Variants in ATXN2L observed in about 807,000 individuals in gnomAD.
ATXN2L encodes the protein ataxin-2-like protein.
ATXN2L carries 24 observed loss-of-function variants against 120.7 expected under a neutral mutation model. That is an observed-to-expected ratio of 0.20 (90% CI 0.14 to 0.28). ATXN2L has a LOEUF of 0.28. Ranked by LOEUF, ATXN2L falls within the 10% of genes least tolerant of loss-of-function variation. The pLI is 1.00. For missense variants in ATXN2L, 1,312 were observed against 1,432.3 expected (o/e 0.92, Z 1.36); for synonymous variants, 653 against 568.1 (o/e 1.15, Z -2.13).
Position 28,830,062 on chromosome 16 carries a change from A to G in ATXN2L, c.1034+4A>G, listed in dbSNP as rs2053750416. On this transcript the variant is annotated splice_donor_region_variant and intron_variant, in intron 8 of 21. Transcript: ENST00000336783. ...AGAGCCCCAGCTTGGCATCCAGGTGACTGTTGCAAACAGCCAGGACTACTT... is the reference window on the plus strand; with the variant it reads ...AGAGCCCCAGCTTGGCATCCAGGTGGCTGTTGCAAACAGCCAGGACTACTT... 1 of 1,607,494 alleles carries G rather than the reference A, an allele frequency of 6.2e-7. No homozygotes were observed. Among genetic ancestry groups the G allele is most frequent in the East Asian group, 2.2e-5 (1 of 44,672 alleles).
Position 28,834,639 on chromosome 16 carries a change from G to A in ATXN2L, c.2379G>A (p.Gln793=), listed in dbSNP as rs763835520. The A allele has an allele frequency of 1.2e-6, 2 of 1,613,858 alleles. No individual in the cohort carries two copies. The highest frequency in any genetic ancestry group is 1.7e-6 in the Non-Finnish European group (2 of 1,180,018). ...CTTCCTACATCCCCTACAACCCTCA[G>A]CAGTTCCCAGGCCAGCCAGCCATGA... ...PYSSYIPYNP[Q]QFPGQPAMMQ... The change falls in exon 18 of 22, where the codon CAG becomes CAA. Residue 793 remains glutamine (Q), a synonymous_variant. Coordinates refer to ENST00000336783, the MANE Select transcript of ATXN2L (RefSeq NM_007245.4).
chr16:28,829,953 G>A lies in ATXN2L; in HGVS notation c.929G>A (p.Arg310His), dbSNP rs201137100. ...GAGATTGAATCAAGCCCCCAGTACC[G>A]CCTACGGATCGCCATGGAGAACGAC... is the stretch of plus-strand genomic sequence containing the variant. ...AREIESSPQY[R>H]LRIAMENDDG... Residue 310 changes from arginine (R) to histidine (H), a missense_variant, in exon 8 of 22, where the codon CGC (arginine) becomes CAC (histidine). Physicochemically the swap from Arg to His is conservative, Grantham distance 29. Transcript: ENST00000336783. 1.3e-4 allele frequency: 204 copies of A among 1,614,078 alleles called. No homozygotes were observed. Among genetic ancestry groups the A allele is most frequent in the Admixed American group, 2.8e-4 (17 of 59,994 alleles).
At chr16:28,835,035 C>CTG (rs753292287) in intron 18 of ATXN2L, 23 bp from the exon 19 acceptor site, 1 of 1,600,394 alleles carries the variant, frequency 6.2e-7, no homozygotes, top group East Asian at 2.2e-5. Context: ...CTGTGCCAAC[C>CTG]ACTCCTCTCT....
At position 28,825,775 on chromosome 16, in the gene ATXN2L, C is replaced by T. The variant is rs2051711684; in HGVS notation, c.399C>T (p.Ser133=). The change falls in exon 4 of 22, where the codon TCC becomes TCT. Residue 133 remains serine, a synonymous_variant. Transcript: ENST00000336783. ...MLHFLTAVVG[S]TCDVKVKNGT... is the part of the protein sequence containing the mutation. ...TATTTTTCCCACTCTGCCAGGGCTC[C>T]ACTTGTGATGTAAAGGTGAAAAATG... The T allele has an allele frequency of 1.2e-6, 2 of 1,614,068 alleles. No individual in the cohort carries two copies. The highest frequency in any genetic ancestry group is 4.5e-5 in the East Asian group (2 of 44,880).
chr16:28,827,922 A>G (rs938426036), intron 6 of ATXN2L, among the ~76,000 whole-genome samples: 2 of 152,180 alleles, frequency 1.3e-5, no homozygotes, highest in African/African-American at 4.8e-5. Context: ...TGAGAAACAA[A>G]TGTCTTGTGA....
rs1961257099 is a variant in ATXN2L at position 28,837,091 on chromosome 16, CCT to C, written c.*827_*828del. 1.8e-6 allele frequency: 1 copy of C among 542,434 alleles called. No homozygotes were observed. Among genetic ancestry groups the C allele is most frequent in the African/African-American group, 1.9e-5 (1 of 52,560 alleles). 33.6% of individuals were successfully genotyped at this position (542,434 alleles called of 1,614,324 possible). On this transcript the variant is annotated 3_prime_UTR_variant, in exon 22 of 22. Transcript: ENST00000336783. ...TATTTATAACTTCAGACTTGGGCCC[CCT>C]GTTCTTTCTTTCCCATTAACTTGAG... is the stretch of plus-strand genomic sequence containing the variant.
chr16:28,826,079 A>G, intron 4 of ATXN2L, 161 bp from the exon 5 acceptor site: 2 of 922,720 alleles, frequency 2.2e-6, no homozygotes, highest in Admixed American at 2.8e-5. Context: ...TGATGTTGAG[A>G]AAACAATGCA....
intron 1 of ATXN2L, chr16:28,824,449 C>G (rs1163331507): frequency 1.2e-5 from 16 of 1,286,972 alleles, no homozygotes; most frequent in Non-Finnish European, 1.4e-5. Flanking sequence ...GCGCTGTCCC[C>G]CAGCCCCGCC....
At chr16:28,824,104 G>C (rs2050738766) in intron 1 of ATXN2L, 1 of 1,015,994 alleles carries the variant, frequency 9.8e-7, no homozygotes, top group Non-Finnish European at 1.2e-6. Flanking sequence ...GGGATGACTG[G>C]GAGGACTGCG....
chr16:28,823,196 G>C lies in ATXN2L; in HGVS notation c.-64G>C. ...CCTCGCTTCCCGCGCTCTCCAGCGG[G>C]GCCCCAGCCCCGGCCCCCTCTCTCC... On this transcript the variant is annotated 5_prime_UTR_variant, in exon 1 of 22. Transcript: ENST00000336783. 1 of 1,175,822 alleles carries C rather than the reference G, an allele frequency of 8.5e-7. No individual in the cohort carries two copies. The allele number at this position is 1,175,822 out of a possible 1,614,324, so 72.8% of individuals were successfully genotyped here.
chr16:28,826,840 A>G, intron 5 of ATXN2L, 22 bp from the exon 6 acceptor site: 3 of 1,537,126 alleles, frequency 2.0e-6, no homozygotes, highest in Non-Finnish European at 2.6e-6. Context: ...CTGACTCCTG[A>G]TCTTCACCTC....
chr16:28,834,378 A>C lies in ATXN2L; in HGVS notation c.2208A>C (p.Ser736=), dbSNP rs1179293409. 3.7e-6 allele frequency: 6 copies of C among 1,614,108 alleles called. No individual in the cohort carries two copies. Among genetic ancestry groups the C allele is most frequent in the Non-Finnish European group, 5.1e-6 (6 of 1,179,934 alleles). Residue 736 remains serine, a synonymous_variant, in exon 17 of 22, where the codon TCA becomes TCC. Transcript: ENST00000336783. ...PQMYPYPVSN[S]VPGQQGKYRG... Reference sequence around the variant, plus strand: ...TGTATCCATATCCTGTATCCAATTCAGTGCCTGGGCAGCAGGGCAAGTACC... The same window carrying C: ...TGTATCCATATCCTGTATCCAATTCCGTGCCTGGGCAGCAGGGCAAGTACC...
intron 1 of ATXN2L, chr16:28,824,121 G>T (rs1237802466): frequency 2.9e-6 from 3 of 1,020,384 alleles, no homozygotes; most frequent in Admixed American, 6.0e-5. Context: ...TGCGGGCCGG[G>T]AGCCTCTGGC....
intron 9 of ATXN2L, 25 bp from the exon 10 acceptor site, chr16:28,830,937 A>T (rs763287870): frequency 9.3e-6 from 5 of 539,470 alleles, no homozygotes; most frequent in African/African-American, 6.5e-5. Context: ...TTTTCTTCTC[A>T]AAAAAAAAAA....
Position 28,834,126 on chromosome 16 carries a change from C to T in ATXN2L, c.2087C>T (p.Pro696Leu), listed in dbSNP as rs747692323. 4 of 1,614,154 alleles carry T rather than the reference C, an allele frequency of 2.5e-6. No homozygotes were observed. The highest frequency in any genetic ancestry group is 2.2e-5 in the East Asian group (1 of 44,886). ...GPRTHSTPSIPVLTAGQSGLY... is the reference protein window; with the variant it reads ...GPRTHSTPSILVLTAGQSGLY... ...CGGACTCATTCAACTCCCTCCATCC[C>T]GGTGCTGACAGCAGGCCAGAGTGGG... The change falls in exon 16 of 22, where the codon CCG (proline) becomes CTG (leucine). Residue 696 changes from proline (P) to leucine (L), a missense_variant. By Grantham distance (98) the Pro-to-Leu change is moderately conservative (BLOSUM62 -3). Transcript: ENST00000336783.
intron 1 of ATXN2L, chr16:28,824,445 T>A: frequency 7.8e-7 from 1 of 1,286,104 alleles, no homozygotes; most frequent in Non-Finnish European, 1.0e-6. Flanking sequence ...GGCTGCGCTG[T>A]CCCCCAGCCC....
intron 1 of ATXN2L, 157 bp downstream of exon 1, chr16:28,823,715 C>G: frequency 2.5e-6 from 2 of 789,014 alleles, no homozygotes; most frequent in South Asian, 1.2e-4. Context: ...CCGAACAGGT[C>G]GGACGGAAAG....
Position 28,835,413 on chromosome 16 carries a change from G to T in ATXN2L, c.2685+14G>T, listed in dbSNP as rs1455604177. The T allele has an allele frequency of 6.2e-7, 1 of 1,612,398 alleles. No individual in the cohort carries two copies. The highest frequency in any genetic ancestry group is 8.5e-7 in the Non-Finnish European group (1 of 1,179,842). On this transcript the variant is annotated intron_variant, in intron 20 of 21. Transcript: ENST00000336783. ...AGTCCTGTCCAGGTGCCTGCCATGGGGGGTGCTGAGTGGTCCTGGTGCAGG... is the reference window on the plus strand; with the variant it reads ...AGTCCTGTCCAGGTGCCTGCCATGGTGGGTGCTGAGTGGTCCTGGTGCAGG...
chr16:28,823,201 C>T lies in ATXN2L; in HGVS notation c.-59C>T, dbSNP rs1454457443. 5.0e-6 allele frequency: 6 copies of T among 1,195,736 alleles called. No individual in the cohort carries two copies. The Admixed American group carries it at 1.5e-4, about 31-fold the overall frequency. The allele number at this position is 1,195,736 out of a possible 1,614,324, so 74.1% of individuals were successfully genotyped here. On this transcript the variant is annotated 5_prime_UTR_variant, in exon 1 of 22. Transcript: ENST00000336783. ...CTTCCCGCGCTCTCCAGCGGGGCCC[C>T]AGCCCCGGCCCCCTCTCTCCCTCCC...
Sources: allele counts gnomAD v4.1 joint callset (sites outside exome capture counted in the v4.1 genomes callset), GRCh38; gene constraint gnomAD v4.1.1; transcripts MANE v1.5; gene names NCBI Gene and HGNC (gene_info 2026-07-23, HGNC 2026-07-21).